The following CNTNAP2 variants were observed in gnomAD, a reference collection of about 807,000 sequenced individuals.
The protein encoded by CNTNAP2 is contactin-associated protein-like 2.
A neutral mutation model predicts 155.2 loss-of-function variants in CNTNAP2; 98 were observed. That is an observed-to-expected ratio of 0.63 (90% confidence interval 0.54 to 0.75). The LOEUF is 0.75. Among genes scored for constraint, CNTNAP2 ranks in the 30% least tolerant of loss-of-function variants. CNTNAP2 has a pLI of 0.00. For synonymous variants in CNTNAP2, 651 were observed against 631.2 expected (o/e 1.03, Z -0.47); for missense variants, 1,727 against 1,688.1 (o/e 1.02, Z -0.40).
chr7:147,935,405 G>A (rs1475045266), intron 14 of CNTNAP2, among the ~76,000 whole-genome samples: 5 of 152,196 alleles, frequency 3.3e-5, no homozygotes, highest in Non-Finnish European at 5.9e-5. Context: ...GATTACAGGC[G>A]TGAGCCACTG....
chr7:147,931,380 C>T (rs977931859), intron 14 of CNTNAP2, among the ~76,000 whole-genome samples: 7 of 152,000 alleles, frequency 4.6e-5, no homozygotes, highest in Non-Finnish European at 2.9e-5. Context: ...AGAACTTATG[C>T]TAATCCTTGT....
rs537561863 is a variant in CNTNAP2 at position 147,755,698 on chromosome 7, A to G, written c.2098+116392A>G. 4.9e-4 allele frequency among the ~76,000 whole-genome samples: 74 copies of G among 152,294 alleles called. 1 individual carries two copies. The highest frequency in any genetic ancestry group is 1.8e-3 in the African/African-American group (74 of 41,568). ...AATATTGATAGCAAACAGTAGTATT[A>G]CGGTTAAAGCCAGGGCCAGCTTCGT... On this transcript the variant is annotated intron_variant, in intron 13 of 23. Transcript: ENST00000361727.
intron 12 of CNTNAP2, among the ~76,000 whole-genome samples, chr7:147,620,899 G>A (rs1335634767): frequency 3.3e-5 from 5 of 152,058 alleles, no homozygotes; most frequent in African/African-American, 1.2e-4. Context: ...AAAACACTAA[G>A]CAGATTTGAC....
intron 15 of CNTNAP2, among the ~76,000 whole-genome samples, chr7:148,035,061 AG>A (rs1482806571): frequency 6.6e-6 from 1 of 152,244 alleles, no homozygotes; most frequent in Non-Finnish European, 1.5e-5. Context: ...AAAATATTGA[AG>A]GAGTTGCATG....
At chr7:148,322,462 T>C (rs1274514053) in intron 21 of CNTNAP2, among the ~76,000 whole-genome samples, 1 of 152,216 alleles carries the variant, frequency 6.6e-6, no homozygotes, top group South Asian at 2.1e-4. Flanking sequence ...GATGTAAACA[T>C]GTATATGCTT....
At chr7:147,388,967 C>A (rs568573373) in intron 9 of CNTNAP2, among the ~76,000 whole-genome samples, 1 of 152,286 alleles carries the variant, frequency 6.6e-6, no homozygotes, top group South Asian at 2.1e-4. Flanking sequence ...TCAACCTGTA[C>A]TGTAACCAAT....
chr7:146,890,084 A>G (rs1182557136), intron 3 of CNTNAP2, among the ~76,000 whole-genome samples: 1 of 152,096 alleles, frequency 6.6e-6, no homozygotes, highest in Admixed American at 6.6e-5. Context: ...AGCATCCCTT[A>G]TCTTCCAAAT....
At chr7:148,247,772 G>A (rs1796298500) in intron 20 of CNTNAP2, among the ~76,000 whole-genome samples, 2 of 151,490 alleles carry the variant, frequency 1.3e-5, no homozygotes, top group African/African-American at 4.9e-5. Context: ...TCCTGCCTCA[G>A]CCTCCCCAGT....
intron 1 of CNTNAP2, among the ~76,000 whole-genome samples, chr7:146,748,143 C>CTTTTTTTTTTTTTTTTTT (rs61495352): frequency 1.1e-4 from 11 of 98,002 alleles, no homozygotes; most frequent in African/African-American, 3.3e-4. Flanking sequence ...CTTTTCTTTT[C>CTTTTTTTTTTTTTTTTTT]TTTTTTTTTT....
rs192453248 is a variant in CNTNAP2 at position 147,364,590 on chromosome 7, T to G, written c.1499-31019T>G. On this transcript the variant is annotated intron_variant, in intron 9 of 23. Coordinates refer to ENST00000361727, the MANE Select transcript of CNTNAP2 (RefSeq NM_014141.6). ...AGGCTTATGAGAATATTTCACTTCT[T>G]TAAGTTCTGTTGGTTAAAAATATTC... is the stretch of plus-strand genomic sequence containing the variant. Among the ~76,000 whole-genome samples the G allele has an allele frequency of 1.4e-3, 215 of 152,324 alleles. 1 individual carries two copies. Among genetic ancestry groups the G allele is most frequent in the South Asian group, 4.3e-3 (21 of 4,832 alleles).
chr7:148,314,687 G>A (rs1233385256), intron 21 of CNTNAP2, among the ~76,000 whole-genome samples: 2 of 151,982 alleles, frequency 1.3e-5, no homozygotes, highest in East Asian at 1.9e-4. Context: ...GAAAAGCAGA[G>A]AAGGGGTAGA....
intron 1 of CNTNAP2, among the ~76,000 whole-genome samples, chr7:146,181,431 A>G (rs901372501): frequency 2.6e-5 from 4 of 152,200 alleles, no homozygotes; most frequent in African/African-American, 4.8e-5. Flanking sequence ...ATTATTTCTA[A>G]TAAGAGTAGC....
At chr7:147,674,777 G>A (rs1053426860) in intron 13 of CNTNAP2, among the ~76,000 whole-genome samples, 1 of 152,064 alleles carries the variant, frequency 6.6e-6, no homozygotes, top group African/African-American at 2.4e-5. Flanking sequence ...CTTAAGGGAG[G>A]TAAGGTTAGA....
rs564771226 is a variant in CNTNAP2 at position 146,746,937 on chromosome 7, T to C, written c.98-27334T>C. ...TTTCCTATTATCTTTTTTCCATATT[T>C]GGGGATATTTCTGTAGAAAATAATC... On this transcript the variant is annotated intron_variant, in intron 1 of 23. Coordinates refer to ENST00000361727, the MANE Select transcript of CNTNAP2 (RefSeq NM_014141.6). 2.7e-3 allele frequency among the ~76,000 whole-genome samples: 407 copies of C among 152,254 alleles called. 2 individuals are homozygous for C. The highest frequency in any genetic ancestry group is 4.9e-3 in the Non-Finnish European group (330 of 67,990).
chr7:146,842,528 G>A (rs1167441571), intron 3 of CNTNAP2, among the ~76,000 whole-genome samples: 10 of 152,130 alleles, frequency 6.6e-5, no homozygotes, highest in African/African-American at 2.4e-4. Flanking sequence ...GGTAATTTAC[G>A]AAGAAAAGAG....
At chr7:146,882,511 C>T (rs563118068) in intron 3 of CNTNAP2, among the ~76,000 whole-genome samples, 2 of 152,016 alleles carry the variant, frequency 1.3e-5, no homozygotes, top group African/African-American at 4.8e-5. Context: ...CCTTTCCCCC[C>T]TCTTCACCCT....
chr7:148,233,332 G>T (rs146666160), intron 20 of CNTNAP2, among the ~76,000 whole-genome samples: 6 of 151,868 alleles, frequency 4.0e-5, no homozygotes, highest in Admixed American at 6.6e-5. Context: ...ATCTAAGGGG[G>T]TTTACAGGGA....
At chr7:147,422,083 G>T (rs553105179) in intron 10 of CNTNAP2, among the ~76,000 whole-genome samples, 12 of 140,044 alleles carry the variant, frequency 8.6e-5, no homozygotes, top group African/African-American at 3.6e-4. Context: ...GTGTGTGTGT[G>T]TAACTACAGT....
intron 1 of CNTNAP2, among the ~76,000 whole-genome samples, chr7:146,325,300 TAA>T (rs976573704): frequency 5.3e-5 from 8 of 152,082 alleles, no homozygotes; most frequent in African/African-American, 9.7e-5. Context: ...AATTATAACA[TAA>T]GTTTCTTAAA....
Sources: gnomAD v4.1 joint callset for allele counts (sites outside exome capture counted in the v4.1 genomes callset) on GRCh38, gnomAD v4.1.1 for gene constraint, MANE v1.5 for transcripts, NCBI Gene and HGNC (gene_info 2026-07-23, HGNC 2026-07-21) for gene names.